CHODL: variants seen among roughly 807,000 people sequenced by gnomAD.
CHODL encodes chondrolectin, also known as transmembrane protein MT75.
A neutral mutation model predicts 34.5 loss-of-function variants in CHODL; 29 were observed. That is an observed-to-expected ratio of 0.84 (90% CI 0.63 to 1.15). CHODL has a LOEUF of 1.15. Ranked by LOEUF, CHODL falls within the 50% of genes most tolerant of loss-of-function variation. The pLI, the probability that CHODL is intolerant of heterozygous loss-of-function variation, is 0.00. For synonymous variants in CHODL, 125 were observed against 116.1 expected (o/e 1.08, Z -0.49); for missense variants, 332 against 332.5 (o/e 1.00, Z 0.01).
intron 2 of CHODL, among the ~76,000 whole-genome samples, chr21:18,111,396 C>G (rs1162763490): frequency 6.6e-6 from 1 of 152,132 alleles, no homozygotes; most frequent in Non-Finnish European, 1.5e-5. Flanking sequence ...ACTTACATGC[C>G]AAATCTCAAT....
intron 1 of CHODL, among the ~76,000 whole-genome samples, chr21:18,010,382 A>G (rs2064007878): frequency 6.6e-6 from 1 of 151,968 alleles, no homozygotes; most frequent in African/African-American, 2.4e-5. Context: ...TGGTGGGTCA[A>G]ATGTTAGCAA....
intron 2 of CHODL, among the ~76,000 whole-genome samples, chr21:18,076,174 GGA>G (rs2064863775): frequency 1.3e-5 from 2 of 152,324 alleles, no homozygotes; most frequent in South Asian, 4.1e-4. Context: ...AAGTGGCTTT[GGA>G]ATAGGATAAT....
At chr21:18,042,423 TA>T (rs1283123089) in intron 2 of CHODL, among the ~76,000 whole-genome samples, 3 of 152,072 alleles carry the variant, frequency 2.0e-5, no homozygotes, top group African/African-American at 7.2e-5. Flanking sequence ...CCAGGTACAA[TA>T]GAATTATAGA....
At chr21:18,052,727 T>C (rs2064531022) in intron 2 of CHODL, among the ~76,000 whole-genome samples, 1 of 151,928 alleles carries the variant, frequency 6.6e-6, no homozygotes. Context: ...TTGTCCCTTA[T>C]ATCACACAGT....
intron 2 of CHODL, among the ~76,000 whole-genome samples, chr21:18,167,858 G>T (rs2073177161): frequency 6.6e-6 from 1 of 152,144 alleles, no homozygotes; most frequent in South Asian, 2.1e-4. Context: ...TCCTGGGTTT[G>T]TCTGTGTGGG....
intron 2 of CHODL, among the ~76,000 whole-genome samples, chr21:18,069,041 G>A (rs1039720950): frequency 6.6e-6 from 1 of 152,148 alleles, no homozygotes; most frequent in Admixed American, 6.5e-5. Flanking sequence ...TGTTATTGAA[G>A]AGGAACCTTG....
chr21:18,106,916 T>C (rs1601011449), intron 2 of CHODL, among the ~76,000 whole-genome samples: 1 of 152,274 alleles, frequency 6.6e-6, no homozygotes, highest in East Asian at 1.9e-4. Flanking sequence ...CACCCTGTGG[T>C]TGTTGTCCCT....
chr21:18,248,079 G>A (rs2074165750), intron 1 of CHODL, among the ~76,000 whole-genome samples: 1 of 150,684 alleles, frequency 6.6e-6, no homozygotes, highest in African/African-American at 2.4e-5. Context: ...GCTGCAAAAT[G>A]ACATTAGGAA....
At chr21:17,958,475 C>A (rs888200655) in intron 1 of CHODL, among the ~76,000 whole-genome samples, 10 of 152,126 alleles carry the variant, frequency 6.6e-5, no homozygotes, top group African/African-American at 2.4e-4. Flanking sequence ...TCTCCCAACC[C>A]CCTTCTAATA....
At chr21:18,152,268 T>A (rs915807453) in intron 2 of CHODL, among the ~76,000 whole-genome samples, 3 of 152,184 alleles carry the variant, frequency 2.0e-5, no homozygotes, top group Admixed American at 6.5e-5. Context: ...TACAAAATAA[T>A]AGACTTGGAA....
intron 1 of CHODL, among the ~76,000 whole-genome samples, chr21:17,978,618 G>A (rs1057159792): frequency 4.7e-5 from 7 of 149,544 alleles, no homozygotes; most frequent in African/African-American, 9.8e-5. Context: ...CTCGGGAGGC[G>A]GAGGCAGGAG....
chr21:18,233,068 T>C (rs931448698), intron 2 of CHODL, among the ~76,000 whole-genome samples: 3 of 151,240 alleles, frequency 2.0e-5, no homozygotes, highest in East Asian at 3.9e-4. Context: ...TAAATACTTA[T>C]AATTTATTCC....
At chr21:18,265,889 G>T (rs1358592843) in intron 5 of CHODL, 65 bp from the exon 6 acceptor site, 3 of 1,294,918 alleles carry the variant, frequency 2.3e-6, no homozygotes, top group Non-Finnish European at 3.3e-6. Flanking sequence ...TCTCCCTTTG[G>T]ACGTAGACAT....
chr21:17,932,733 G>T (rs1458298171), intron 1 of CHODL, among the ~76,000 whole-genome samples: 1 of 152,188 alleles, frequency 6.6e-6, no homozygotes, highest in Non-Finnish European at 1.5e-5. Context: ...GGGGTGCGTT[G>T]CCCCTCCACA....
At chr21:18,165,977 A>G (rs891107405) in intron 2 of CHODL, among the ~76,000 whole-genome samples, 1 of 152,238 alleles carries the variant, frequency 6.6e-6, no homozygotes, top group East Asian at 1.9e-4. Context: ...AACAGTAAAA[A>G]TTTATTCTGT....
At chr21:18,080,423 A>G (rs2064928438) in intron 2 of CHODL, among the ~76,000 whole-genome samples, 1 of 152,114 alleles carries the variant, frequency 6.6e-6, no homozygotes, top group South Asian at 2.1e-4. Flanking sequence ...TGTCCAGAAG[A>G]GTTCTTCCCA....
chr21:18,248,771 A>C (rs1352789985), intron 1 of CHODL, among the ~76,000 whole-genome samples: 9 of 122,958 alleles, frequency 7.3e-5, no homozygotes, highest in African/African-American at 2.9e-4. Context: ...TGTTATATAT[A>C]ATATATGTGT....
At chr21:18,167,309 AT>A (rs71318131) in intron 2 of CHODL, among the ~76,000 whole-genome samples, 6,838 of 103,002 alleles carry the variant, frequency 0.066, 330 homozygotes, top group East Asian at 0.16. Context: ...TTCTATTAAG[AT>A]TTTTTTTTTT....
At chr21:18,240,850 T>C (rs1395194945), upstream of CHODL, among the ~76,000 whole-genome samples, 4 of 152,176 alleles carry the variant, frequency 2.6e-5, no homozygotes, top group Non-Finnish European at 5.9e-5. Flanking sequence ...TTTTAACTGA[T>C]CACCTGAATG....
Sources: allele counts gnomAD v4.1 joint callset (sites outside exome capture counted in the v4.1 genomes callset), GRCh38; gene constraint gnomAD v4.1.1; transcripts MANE v1.5; gene names NCBI Gene and HGNC (gene_info 2026-07-23, HGNC 2026-07-21).